ZFPM1: variants seen among roughly 807,000 people sequenced by gnomAD.
ZFPM1 encodes zinc finger protein ZFPM1.
A neutral mutation model predicts 46.3 loss-of-function variants in ZFPM1; 28 were observed. The ratio of observed to expected loss-of-function variants is 0.60; its 90% CI spans 0.45 to 0.83. ZFPM1 has a LOEUF of 0.83. ZFPM1 is among the 40% of genes least tolerant of loss of function. The probability of loss-of-function intolerance (pLI) is 0.00; values close to 1 mark genes in which losing one functional copy is unlikely to be tolerated. For missense variants in ZFPM1, 1,878 were observed against 1,432.4 expected (o/e 1.31, Z -5.02); for synonymous variants, 957 against 675.9 (o/e 1.42, Z -6.45).
chr16:88,529,360 C>T (rs958694571), intron 6 of ZFPM1, among the ~76,000 whole-genome samples: 4 of 152,230 alleles, frequency 2.6e-5, no homozygotes, highest in African/African-American at 9.6e-5. Context: ...GAAAAGCGAC[C>T]TTTGTGAGCA....
At chr16:88,455,934 C>G (rs1356993146) in intron 1 of ZFPM1, among the ~76,000 whole-genome samples, 1 of 152,184 alleles carries the variant, frequency 6.6e-6, no homozygotes, top group Non-Finnish European at 1.5e-5. Flanking sequence ...TCGATGTGAG[C>G]TCCGATAAGA....
chr16:88,511,733 C>G (rs114108824), intron 3 of ZFPM1, among the ~76,000 whole-genome samples: 4 of 152,174 alleles, frequency 2.6e-5, no homozygotes, highest in Non-Finnish European at 5.9e-5. Context: ...ACCACGGCCT[C>G]TATGTTCAGT....
At chr16:88,489,893 A>G (rs1164891427) in intron 3 of ZFPM1, among the ~76,000 whole-genome samples, 1 of 143,304 alleles carries the variant, frequency 7.0e-6, no homozygotes, top group Non-Finnish European at 1.5e-5. Context: ...GTGGAATCCC[A>G]GGGCTGCCTG....
At position 88,528,236 on chromosome 16, in the gene ZFPM1, A is replaced by C; in HGVS notation, c.710A>C (p.Asn237Thr). ...MASILATAVI[N>T]KDVFPCKDCG... is the part of the protein sequence containing the mutation. ...TCCATCCTTGCCACCGCAGTGATCA[A>C]CAGTAAGTGCTGGGCTCTCCGCACC... Residue 237 changes from asparagine (N) to threonine (T), a missense_variant and splice_region_variant, in exon 6 of 10, where the codon AAC becomes ACC. Asn to Thr is a moderately conservative substitution (Grantham distance 65). Coordinates refer to ENST00000319555, the MANE Select transcript of ZFPM1 (RefSeq NM_153813.3). 6.2e-7 allele frequency: 1 copy of C among 1,605,062 alleles called. No homozygotes were observed. Among genetic ancestry groups the C allele is most frequent in the Non-Finnish European group, 8.5e-7 (1 of 1,176,138 alleles).
intron 5 of ZFPM1, 52 bp downstream of exon 5, chr16:88,526,968 C>T (rs1450349171): frequency 6.6e-7 from 1 of 1,526,082 alleles, no homozygotes; most frequent in Non-Finnish European, 8.8e-7. Flanking sequence ...GTGGGGGTCA[C>T]TTGGCTCCCC....
chr16:88,520,529 A>C (rs968803129), intron 4 of ZFPM1, among the ~76,000 whole-genome samples: 5 of 124,540 alleles, frequency 4.0e-5, no homozygotes, highest in African/African-American at 1.8e-4. Flanking sequence ...TGGATGAATG[A>C]ATGGGTGGGT....
upstream of ZFPM1, among the ~76,000 whole-genome samples, chr16:88,453,077 C>T (rs1204081889): frequency 6.9e-6 from 1 of 145,160 alleles, no homozygotes; most frequent in Non-Finnish European, 1.5e-5. Flanking sequence ...AAGAGCGAGG[C>T]GGGCGGGGGC....
At position 88,461,381 on chromosome 16, in the gene ZFPM1, G is replaced by A. The variant is rs146551075; in HGVS notation, c.40+7703G>A. ...ACCTGGGCTGCACCCTCAGGGCTCC[G>A]GGTGGTTGCCGGCCTTCAGCTCTGG... On this transcript the variant is annotated intron_variant, in intron 1 of 9. Transcript: ENST00000319555. 3.4e-3 allele frequency among the ~76,000 whole-genome samples: 517 copies of A among 152,260 alleles called. 1 individual carries two copies. The highest frequency in any genetic ancestry group is 0.012 in the African/African-American group (483 of 41,538).
chr16:88,534,102 G>C lies in ZFPM1; in HGVS notation c.2144G>C (p.Arg715Pro). ...GCCTCGCGCCACGACCCGCCGCCGC[G>C]CCGACCGGCCGCGCCCCCGGGACCC... ...YCASRHDPPP[R>P]RPAAPPGPPG... Residue 715 changes from arginine to proline, a missense_variant, in exon 10 of 10, where the codon CGC becomes CCC. Arg to Pro is a moderately radical substitution (Grantham distance 103). Transcript: ENST00000319555. 8.6e-7 allele frequency: 1 copy of C among 1,164,364 alleles called. No individual in the cohort carries two copies. Among genetic ancestry groups the C allele is most frequent in the Non-Finnish European group, 1.1e-6 (1 of 926,548 alleles). 72.1% of individuals were successfully genotyped at this position (1,164,364 alleles called of 1,614,324 possible). A position where few individuals can be genotyped will look rare whatever the true frequency, so the allele number is the denominator to read the frequency against.
At chr16:88,459,364 C>A (rs1450282854) in intron 1 of ZFPM1, among the ~76,000 whole-genome samples, 3 of 152,214 alleles carry the variant, frequency 2.0e-5, no homozygotes, top group Non-Finnish European at 4.4e-5. Context: ...CTGCCACTTA[C>A]TGGCCGTGGA....
At chr16:88,516,911 C>A (rs774850941) in intron 4 of ZFPM1, among the ~76,000 whole-genome samples, 1 of 152,318 alleles carries the variant, frequency 6.6e-6, no homozygotes. Context: ...TGGCTTCCCC[C>A]TCGGTTCCCC....
Position 88,535,121 on chromosome 16 carries a change from C to G in ZFPM1, c.*142C>G, listed in dbSNP as rs1233130725. On this transcript the variant is annotated 3_prime_UTR_variant, in exon 10 of 10. Transcript: ENST00000319555. ...GGAGGGGGCCGCAGGGGGCAGCGCC[C>G]GCCTGGACCCTTGGCACTTAATAAA... 9.6e-7 allele frequency: 1 copy of G among 1,042,202 alleles called. No individual in the cohort carries two copies. The highest frequency in any genetic ancestry group is 4.1e-5 in the Admixed American group (1 of 24,354). 64.6% of individuals were successfully genotyped at this position (1,042,202 alleles called of 1,614,324 possible). A position where few individuals can be genotyped will look rare whatever the true frequency, so the allele number is the denominator to read the frequency against.
chr16:88,487,326 C>T (rs1390422943), intron 2 of ZFPM1, among the ~76,000 whole-genome samples: 2 of 152,226 alleles, frequency 1.3e-5, no homozygotes, highest in Non-Finnish European at 2.9e-5. Context: ...CATACCTACC[C>T]CATGCCATGA....
chr16:88,475,516 G>GT (rs199518495), intron 1 of ZFPM1, among the ~76,000 whole-genome samples: 1 of 152,096 alleles, frequency 6.6e-6, no homozygotes, highest in Admixed American at 6.5e-5. Context: ...AGGGGTCCGG[G>GT]GGGGGGAGCA....
intron 3 of ZFPM1, among the ~76,000 whole-genome samples, chr16:88,508,979 C>T (rs890622685): frequency 1.5e-4 from 23 of 152,152 alleles, no homozygotes; most frequent in Non-Finnish European, 3.1e-4. Context: ...ACAGAGGGGC[C>T]GGCTTGCCCC....
rs538103426 is a variant in ZFPM1 at position 88,491,077 on chromosome 16, G to C, written c.268+1924G>C. On this transcript the variant is annotated intron_variant, in intron 3 of 9. Transcript: ENST00000319555. ...CTCGGTCAGGCGCTGGTGCCTTCGC[G>C]GGTCCCAGTCAGGCGCTGGTGCCTT... Among the ~76,000 whole-genome samples the C allele has an allele frequency of 3.8e-3, 547 of 144,588 alleles. 4 individuals are homozygous for C. The highest frequency in any genetic ancestry group is 0.013 in the African/African-American group (496 of 39,572). 94.9% of individuals were successfully genotyped at this position (144,588 alleles called of 152,430 possible). A position where few individuals can be genotyped will look rare whatever the true frequency, so the allele number is the denominator to read the frequency against.
intron 3 of ZFPM1, among the ~76,000 whole-genome samples, chr16:88,501,485 C>T (rs1266762773): frequency 7.1e-6 from 1 of 140,324 alleles, no homozygotes; most frequent in African/African-American, 2.8e-5. Flanking sequence ...GACATGGGTG[C>T]GTGGGCCCTC....
At chr16:88,491,918 GTC>G (rs1909601780) in intron 3 of ZFPM1, among the ~76,000 whole-genome samples, 2 of 152,198 alleles carry the variant, frequency 1.3e-5, no homozygotes, top group Non-Finnish European at 2.9e-5. Flanking sequence ...CGGCCCGTGC[GTC>G]GATGGCCAGC....
At chr16:88,463,307 C>T (rs959676292) in intron 1 of ZFPM1, among the ~76,000 whole-genome samples, 3 of 152,228 alleles carry the variant, frequency 2.0e-5, no homozygotes, top group East Asian at 1.9e-4. Flanking sequence ...GTGCCTGCAG[C>T]TGCCCCCTCA....
Sources: allele counts gnomAD v4.1 joint callset (sites outside exome capture counted in the v4.1 genomes callset), GRCh38; gene constraint gnomAD v4.1.1; transcripts MANE v1.5; gene names NCBI Gene and HGNC (gene_info 2026-07-23, HGNC 2026-07-21).